CDCA2: variants seen among roughly 807,000 people sequenced by gnomAD.
The protein encoded by CDCA2 is cell division cycle associated 2.
A neutral mutation model predicts 67.0 loss-of-function variants in CDCA2; 44 were observed. The observed-to-expected ratio is 0.66, with a 90% CI of 0.52 to 0.84. The LOEUF is 0.84. CDCA2 is among the 40% of genes least tolerant of loss of function. The pLI is 0.00. For missense variants in CDCA2, 1,253 were observed against 1,203.2 expected, an observed-to-expected ratio of 1.04 and a Z score of -0.61; for synonymous variants, 447 against 418.7, an observed-to-expected ratio of 1.07 and a Z score of -0.82.
chr8:25,487,392 T>C, intron 12 of CDCA2, 58 bp downstream of exon 12: 1 of 1,107,254 alleles, frequency 9.0e-7, no homozygotes, highest in Non-Finnish European at 1.4e-6. Flanking sequence ...TATACTTTTC[T>C]GTTTTCATGG....
Position 25,507,645 on chromosome 8 carries a change from AGGCTACC to A in CDCA2, c.2982_2988del (p.Tyr995GlufsTer13). Reference sequence around the variant, plus strand: ...ATACTAAAGCCACTTCCCAGTTCAAAGGCTACCGGAGAAGATCCTCTCTTAATGGGAA... The same window carrying A: ...ATACTAAAGCCACTTCCCAGTTCAAAGGAGAAGATCCTCTCTTAATGGGAA... On this transcript the variant is annotated frameshift_variant, in exon 15 of 15. Transcript: ENST00000330560. LOFTEE classifies it low-confidence loss of function (END_TRUNC). 1 of 1,614,214 alleles carries A rather than the reference AGGCTACC, an allele frequency of 6.2e-7. No homozygotes were observed. The highest frequency in any genetic ancestry group is 1.3e-5 in the African/African-American group (1 of 75,066).
intron 8 of CDCA2, among the ~76,000 whole-genome samples, chr8:25,480,677 T>G (rs1803534760): frequency 1.3e-5 from 2 of 152,188 alleles, no homozygotes; most frequent in South Asian, 4.1e-4. Context: ...GTATAGGACC[T>G]GTTTGACATA....
At position 25,479,913 on chromosome 8, in the gene CDCA2, C is replaced by T; in HGVS notation, c.821C>T (p.Ala274Val). ...TCAAGTTTACATGTTTATCTTGAAG[C>T]ACTAAAGGTTGCTGACTGTGTAGTG... The part of the protein sequence containing the change: ...PLSELTETSN[A>V]LKVADCVVGK... The change falls in exon 8 of 15, where the codon GCA becomes GTA. Residue 274 changes from alanine (A) to valine (V), a missense_variant and splice_region_variant. Transcript: ENST00000330560. 6.2e-7 allele frequency: 1 copy of T among 1,613,984 alleles called. No homozygotes were observed. The highest frequency in any genetic ancestry group is 1.1e-5 in the South Asian group (1 of 91,074).
chr8:25,465,188 G>A (rs999142892), intron 4 of CDCA2, among the ~76,000 whole-genome samples: 4 of 152,102 alleles, frequency 2.6e-5, no homozygotes, highest in Admixed American at 1.3e-4. Flanking sequence ...TAGCCAGGCT[G>A]GTCTCAAACT....
chr8:25,489,089 AG>A (rs1803901262), intron 13 of CDCA2, among the ~76,000 whole-genome samples: 1 of 152,148 alleles, frequency 6.6e-6, no homozygotes, highest in Non-Finnish European at 1.5e-5. Flanking sequence ...CCTAAATTTA[AG>A]GGAAAGTTTA....
intron 11 of CDCA2, among the ~76,000 whole-genome samples, chr8:25,486,939 GA>G (rs1413628590): frequency 6.6e-5 from 10 of 152,248 alleles, no homozygotes; most frequent in African/African-American, 2.4e-4. Flanking sequence ...ATGTATCGTG[GA>G]ATAAATGGGT....
Position 25,484,206 on chromosome 8 carries a change from A to G in CDCA2, c.1361A>G (p.Asn454Ser), listed in dbSNP as rs1412604453. 9 of 1,613,716 alleles carry G rather than the reference A, an allele frequency of 5.6e-6. No homozygotes were observed. The highest frequency in any genetic ancestry group is 7.6e-6 in the Non-Finnish European group (9 of 1,179,632). The stretch of plus-strand genomic sequence containing the variant: ...CCAGATTTTGATGACAAGGGGGAGA[A>G]TCTTGTAAGTATGAAAAGCGTGGAA... ...PQPDFDDKGE[N>S]LENIEPLQVS... Residue 454 changes from asparagine to serine, a missense_variant, in exon 10 of 15, where the codon AAT (asparagine) becomes AGT (serine). Physicochemically the swap from Asn to Ser is conservative, Grantham distance 46. Transcript: ENST00000330560.
chr8:25,506,906 A>G lies in CDCA2; in HGVS notation c.2240A>G (p.Glu747Gly). ...QEFSAGGQNA[E>G]NLCQFFKISP... ...TTTTCTGCTGGTGGTCAAAATGCAG[A>G]AAACCTTTGTCAGTTCTTTAAAATT... is the stretch of plus-strand genomic sequence containing the variant. Residue 747 changes from glutamate to glycine, a missense_variant, in exon 15 of 15, where the codon GAA becomes GGA. Glu to Gly is a moderately conservative substitution (Grantham distance 98, BLOSUM62 -2). Coordinates refer to ENST00000330560, the MANE Select transcript of CDCA2 (RefSeq NM_152562.4). The G allele has an allele frequency of 6.2e-7, 1 of 1,612,622 alleles. No individual in the cohort carries two copies. Among genetic ancestry groups the G allele is most frequent in the East Asian group, 2.2e-5 (1 of 44,858 alleles).
rs1474138970 is a variant in CDCA2, at chr8:25,483,292, G to A, written c.1033-107G>A. 4.2e-5 allele frequency: 24 copies of A among 573,754 alleles called. No individual in the cohort carries two copies. The East Asian group carries it at 7.3e-4, about 17-fold the overall frequency. The allele number at this position is 573,754 out of a possible 1,614,324, so 35.5% of individuals were successfully genotyped here. On this transcript the variant is annotated intron_variant, in intron 8 of 14. Transcript: ENST00000330560. The stretch of plus-strand genomic sequence containing the variant: ...GAAAATAAAGGTAATCTTTAATACT[G>A]GAATATCTATCTGCAGTTGACAGAG...
chr8:25,484,651 G>A (rs1020858635), intron 10 of CDCA2, among the ~76,000 whole-genome samples: 2 of 148,918 alleles, frequency 1.3e-5, no homozygotes, highest in Admixed American at 1.3e-4. Flanking sequence ...GAGTGCAGTG[G>A]TGCGGTCATG....
intron 5 of CDCA2, among the ~76,000 whole-genome samples, chr8:25,466,903 G>A (rs542246348): frequency 2.6e-5 from 4 of 151,968 alleles, no homozygotes; most frequent in South Asian, 2.1e-4. Flanking sequence ...TTAGCCAGGC[G>A]TGGTGACACA....
intron 12 of CDCA2, among the ~76,000 whole-genome samples, chr8:25,487,569 A>G (rs1404086005): frequency 1.3e-5 from 2 of 152,056 alleles, no homozygotes; most frequent in African/African-American, 4.8e-5. Flanking sequence ...GTAAAATCCC[A>G]TCTCTACTAG....
At chr8:25,484,955 A>C (rs1803710645) in intron 10 of CDCA2, among the ~76,000 whole-genome samples, 1 of 152,168 alleles carries the variant, frequency 6.6e-6, no homozygotes, top group African/African-American at 2.4e-5. Context: ...TATCCTTGTA[A>C]ACATAGCAAT....
chr8:25,466,231 C>T lies in CDCA2; in HGVS notation c.444C>T (p.Phe148=). The T allele has an allele frequency of 6.2e-7, 1 of 1,611,716 alleles. No homozygotes were observed. ...CTTTAAGAGAACGAATATCAGCCTT[C>T]CAGTCAGCTTTTCACTCCATAAAGG... The part of the protein sequence containing the change: ...VNTLRERISA[F]QSAFHSIKEN... Residue 148 remains phenylalanine, a synonymous_variant, in exon 5 of 15, where the codon TTC becomes TTT. Coordinates refer to ENST00000330560, the MANE Select transcript of CDCA2 (RefSeq NM_152562.4).
In CDCA2 at chr8:25,507,542, A is replaced by T. The variant is rs1188654269; in HGVS notation, c.2876A>T (p.Asn959Ile). ...GCACCTCCCGTCTCAGATCCAGAAA[A>T]CAGCCAGGGCCCTGCTGCTGGTTCT... Reference protein sequence around the residue: ...QMAPPVSDPENSQGPAAGSSD... With the variant: ...QMAPPVSDPEISQGPAAGSSD... The change falls in exon 15 of 15, where the codon AAC becomes ATC. Residue 959 changes from asparagine (N) to isoleucine (I), a missense_variant. Asn to Ile is a moderately radical substitution (Grantham distance 149). Transcript: ENST00000330560. The T allele has an allele frequency of 3.7e-6, 6 of 1,613,858 alleles. No homozygotes were observed. In the African/African-American group the frequency reaches 8.0e-5, roughly 22 times the overall value.
intron 14 of CDCA2, among the ~76,000 whole-genome samples, chr8:25,504,451 C>T (rs1188248996): frequency 6.6e-6 from 1 of 151,976 alleles, no homozygotes; most frequent in African/African-American, 2.4e-5. Flanking sequence ...AATGTGTGTC[C>T]ATTTGGTGTG....
intron 13 of CDCA2, among the ~76,000 whole-genome samples, chr8:25,501,089 AT>A (rs1465498595): frequency 6.6e-6 from 1 of 152,206 alleles, no homozygotes; most frequent in Non-Finnish European, 1.5e-5. Context: ...CAGATGTTCC[AT>A]GAAAAAAATA....
At chr8:25,475,648 C>T (rs180803623) in intron 7 of CDCA2, among the ~76,000 whole-genome samples, 159 of 152,260 alleles carry the variant, frequency 1.0e-3, no homozygotes, top group Non-Finnish European at 1.5e-3. Context: ...CTCGACCTGG[C>T]GAAGACCTGA....
chr8:25,485,296 T>A (rs1250706830), intron 10 of CDCA2, among the ~76,000 whole-genome samples: 11 of 151,846 alleles, frequency 7.2e-5, no homozygotes, highest in Admixed American at 6.6e-4. Flanking sequence ...AAGAATTTCT[T>A]CAAATTGACT....
Sources: gnomAD v4.1 joint callset for allele counts (sites outside exome capture counted in the v4.1 genomes callset) on GRCh38, gnomAD v4.1.1 for gene constraint, MANE v1.5 for transcripts, NCBI Gene and HGNC (gene_info 2026-07-23, HGNC 2026-07-21) for gene names.